Variants in GRIP1 observed in about 807,000 individuals in gnomAD.
GRIP1 encodes the protein glutamate receptor interacting protein 1.
A neutral mutation model predicts 129.9 loss-of-function variants in GRIP1; 45 were observed. That is an observed-to-expected ratio of 0.35 (90% CI 0.27 to 0.44). The LOEUF is 0.44. Ranked by LOEUF, GRIP1 falls within the 20% of genes least tolerant of loss-of-function variation. The pLI, the probability that GRIP1 is intolerant of heterozygous loss-of-function variation, is 1.00. For missense variants in GRIP1, 1,196 were observed against 1,396.8 expected (o/e 0.86, Z 2.29); for synonymous variants, 530 against 520.8 (o/e 1.02, Z -0.24).
At chr12:66,766,058 GT>G (rs1353298228) in intron 1 of GRIP1, among the ~76,000 whole-genome samples, 2 of 152,098 alleles carry the variant, frequency 1.3e-5, no homozygotes, top group Non-Finnish European at 2.9e-5. Context: ...TGTGGCTCTT[GT>G]TTTTTTCCTT....
At chr12:66,501,246 C>A (rs963381986) in intron 7 of GRIP1, among the ~76,000 whole-genome samples, 3 of 152,064 alleles carry the variant, frequency 2.0e-5, no homozygotes, top group Admixed American at 6.6e-5. Flanking sequence ...CACTGGTATA[C>A]CAGAAATAAT....
chr12:66,807,225 T>C (rs1006054522), upstream of GRIP1, among the ~76,000 whole-genome samples: 3 of 152,124 alleles, frequency 2.0e-5, no homozygotes, highest in African/African-American at 7.2e-5. Context: ...CCACCAAATC[T>C]CATGTCAAAC....
intron 2 of GRIP1, among the ~76,000 whole-genome samples, chr12:66,569,907 C>G (rs569373451): frequency 3.5e-4 from 53 of 152,274 alleles, no homozygotes; most frequent in African/African-American, 1.1e-3. Context: ...AGGTTCTACT[C>G]AGTTTCAGGT....
At chr12:66,925,292 T>C (rs1302953979) in intron 1 of GRIP1, among the ~76,000 whole-genome samples, 1 of 152,192 alleles carries the variant, frequency 6.6e-6, no homozygotes, top group Non-Finnish European at 1.5e-5. Context: ...GAAATGGGGT[T>C]CAGGCAGACT....
At chr12:67,013,992 T>A (rs1475831088) in intron 1 of GRIP1, among the ~76,000 whole-genome samples, 58 of 152,204 alleles carry the variant, frequency 3.8e-4, no homozygotes, top group Non-Finnish European at 4.4e-5. Context: ...GCTGACAAAC[T>A]GTGCAAACTG....
At chr12:66,841,221 C>T (rs1170250959) in intron 1 of GRIP1, among the ~76,000 whole-genome samples, 1 of 152,104 alleles carries the variant, frequency 6.6e-6, no homozygotes, top group African/African-American at 2.4e-5. Context: ...AATGTAGACC[C>T]TTCCCATGTG....
intron 2 of GRIP1, among the ~76,000 whole-genome samples, chr12:66,542,703 C>G (rs886447561): frequency 6.6e-6 from 1 of 152,172 alleles, no homozygotes; most frequent in Non-Finnish European, 1.5e-5. Flanking sequence ...GTAAGAATAT[C>G]CTTCCCTTCA....
Position 66,630,609 on chromosome 12 carries a change from T to C in GRIP1, c.56-33682A>G, listed in dbSNP as rs566128390. ...ATCTTCCTGGGTGTCTTAAAGGCCATACATTCAAAAGTTAGCTGTGCTATC... is the reference window on the plus strand; with the variant it reads ...ATCTTCCTGGGTGTCTTAAAGGCCACACATTCAAAAGTTAGCTGTGCTATC... On this transcript the variant is annotated intron_variant, in intron 1 of 24. Coordinates refer to ENST00000359742, the MANE Select transcript of GRIP1 (RefSeq NM_001366722.1). Among the ~76,000 whole-genome samples, 3 of 152,344 alleles carry C rather than the reference T, an allele frequency of 2.0e-5. No individual in the cohort carries two copies. The South Asian group carries it at 6.2e-4, about 32-fold the overall frequency.
chr12:66,644,696 T>C (rs1471142164), intron 1 of GRIP1, among the ~76,000 whole-genome samples: 1 of 152,228 alleles, frequency 6.6e-6, no homozygotes, highest in Non-Finnish European at 1.5e-5. Context: ...GAAACATGGC[T>C]TTATCTTACG....
chr12:66,504,887 C>T (rs1255228066), intron 7 of GRIP1, among the ~76,000 whole-genome samples: 2 of 152,170 alleles, frequency 1.3e-5, no homozygotes, highest in African/African-American at 4.8e-5. Context: ...CATTGCTAGG[C>T]ATTGGAGTTG....
At chr12:66,996,775 C>T (rs115476175) in intron 1 of GRIP1, among the ~76,000 whole-genome samples, 1,652 of 152,216 alleles carry the variant, frequency 0.011, 32 homozygotes, top group African/African-American at 0.038. Context: ...TTATGTGGAT[C>T]CCCCTCACCC....
intron 7 of GRIP1, among the ~76,000 whole-genome samples, chr12:66,515,270 A>T (rs1326657404): frequency 6.7e-6 from 1 of 149,392 alleles, no homozygotes; most frequent in Non-Finnish European, 1.5e-5. Flanking sequence ...ATGTAATAAT[A>T]AAAAAAAAAA....
At chr12:66,577,106 T>A (rs2063163626) in intron 2 of GRIP1, among the ~76,000 whole-genome samples, 1 of 152,148 alleles carries the variant, frequency 6.6e-6, no homozygotes, top group Non-Finnish European at 1.5e-5. Flanking sequence ...GGAAAACATG[T>A]TCTATAAGGC....
chr12:66,743,173 G>T (rs1382987299), intron 1 of GRIP1, among the ~76,000 whole-genome samples: 1 of 152,098 alleles, frequency 6.6e-6, no homozygotes, highest in Non-Finnish European at 1.5e-5. Context: ...GGGATTAGAT[G>T]GCATGCAACA....
At chr12:66,828,055 A>G (rs1404618345) in intron 1 of GRIP1, among the ~76,000 whole-genome samples, 1 of 152,048 alleles carries the variant, frequency 6.6e-6, no homozygotes, top group East Asian at 1.9e-4. Flanking sequence ...TAATTTGGGG[A>G]CTCCCATGCC....
upstream of GRIP1, chr12:66,679,209 G>A (rs1319901346): frequency 5.3e-6 from 6 of 1,128,560 alleles, no homozygotes; most frequent in South Asian, 1.6e-5. Flanking sequence ...AAGCAGGGAC[G>A]ACACTGTGTG....
In GRIP1 at chr12:66,913,231, A is replaced by G. The variant is rs1186963133; in HGVS notation, c.58+155819T>C. On this transcript the variant is annotated intron_variant, in intron 1 of 1. Transcript: ENST00000643019. The stretch of plus-strand genomic sequence containing the variant: ...ACTCCAAAACTTCTCAAAGCTTTTA[A>G]TTAGCTCACAAGCAATGTGGACCTC... Among the ~76,000 whole-genome samples the G allele has an allele frequency of 4.6e-5, 7 of 152,360 alleles. No homozygotes were observed. The East Asian group carries it at 7.7e-4, about 17-fold the overall frequency.
intron 13 of GRIP1, among the ~76,000 whole-genome samples, chr12:66,432,867 G>C (rs1241070073): frequency 6.6e-6 from 1 of 152,182 alleles, no homozygotes; most frequent in African/African-American, 2.4e-5. Context: ...TTTCTCAAGT[G>C]TGATGCATGC....
At chr12:66,782,294 C>T (rs550710752) in intron 1 of GRIP1, among the ~76,000 whole-genome samples, 1 of 152,170 alleles carries the variant, frequency 6.6e-6, no homozygotes, top group South Asian at 2.1e-4. Context: ...TCAAGCCCTC[C>T]CAATTAACAG....
Sources: allele counts gnomAD v4.1 joint callset (sites outside exome capture counted in the v4.1 genomes callset), GRCh38; gene constraint gnomAD v4.1.1; transcripts MANE v1.5; gene names NCBI Gene and HGNC (gene_info 2026-07-23, HGNC 2026-07-21).